Variants in SLC24A4 observed in about 807,000 individuals in gnomAD.
SLC24A4 encodes the protein solute carrier family 24 member 4.
A neutral mutation model predicts 79.0 loss-of-function variants in SLC24A4; 53 were observed. The ratio of observed to expected loss-of-function variants is 0.67; its 90% confidence interval spans 0.54 to 0.84. SLC24A4 has a LOEUF of 0.84. Among genes scored for constraint, SLC24A4 ranks in the 40% least tolerant of loss-of-function variants. The pLI is 0.00. For missense variants in SLC24A4, 731 were observed against 822.0 expected, an observed-to-expected ratio of 0.89 and a Z score of 1.35; for synonymous variants, 323 against 323.8, an observed-to-expected ratio of 1.00 and a Z score of 0.03.
Position 92,449,028 on chromosome 14 carries a change from G to A in SLC24A4, c.738-46G>A, listed in dbSNP as rs1259143464. On this transcript the variant is annotated intron_variant, in intron 9 of 16. Transcript: ENST00000532405. The stretch of plus-strand genomic sequence containing the variant: ...TGATCCACCCGCTGCCCAGTTGGTG[G>A]GACTCCTTTCCATTGCCCTGACCTC... 3 of 1,608,144 alleles carry A rather than the reference G, an allele frequency of 1.9e-6. No individual in the cohort carries two copies. The African/African-American group carries it at 4.0e-5, about 21-fold the overall frequency.
intron 7 of SLC24A4, among the ~76,000 whole-genome samples, chr14:92,444,002 C>G (rs1892648993): frequency 6.6e-6 from 1 of 152,022 alleles, no homozygotes; most frequent in South Asian, 2.1e-4. Flanking sequence ...GGGAGTGATA[C>G]CTGCCGTGTA....
At position 92,439,438 on chromosome 14, in the gene SLC24A4, G is replaced by A. The variant is rs1015554955; in HGVS notation, c.393+29G>A. The A allele has an allele frequency of 2.5e-6, 4 of 1,595,292 alleles. No individual in the cohort carries two copies. In the African/African-American group the frequency reaches 4.0e-5, roughly 16 times the overall value. On this transcript the variant is annotated intron_variant, in intron 4 of 16. Coordinates refer to ENST00000532405, the MANE Select transcript of SLC24A4 (RefSeq NM_153646.4). ...TGTGGAAGGGACTTGGGACACCTTG[G>A]TGAAGCCTTGAAGACATGTGGGACA... is the stretch of plus-strand genomic sequence containing the variant.
chr14:92,392,623 C>T (rs1370379021), intron 2 of SLC24A4, among the ~76,000 whole-genome samples: 10 of 152,138 alleles, frequency 6.6e-5, no homozygotes, highest in Admixed American at 1.3e-4. Context: ...GAGTGTGGGG[C>T]GGGCATCCAG....
At chr14:92,447,465 C>T in intron 9 of SLC24A4, 41 bp downstream of exon 9, 1 of 1,571,308 alleles carries the variant, frequency 6.4e-7, no homozygotes, top group South Asian at 1.1e-5. Context: ...CGACGCCTTG[C>T]CCCACTGCCT....
At chr14:92,449,789 C>T (rs924344894) in intron 10 of SLC24A4, among the ~76,000 whole-genome samples, 4 of 152,250 alleles carry the variant, frequency 2.6e-5, no homozygotes, top group Non-Finnish European at 5.9e-5. Flanking sequence ...GCCGGGGAGC[C>T]CCTTCCCCTG....
intron 2 of SLC24A4, among the ~76,000 whole-genome samples, chr14:92,387,014 C>T (rs1213607185): frequency 6.6e-6 from 1 of 152,070 alleles, no homozygotes; most frequent in African/African-American, 2.4e-5. Flanking sequence ...CCTTGTAGCT[C>T]TGCACCCTGG....
intron 2 of SLC24A4, among the ~76,000 whole-genome samples, chr14:92,364,470 A>G (rs896407740): frequency 6.6e-6 from 1 of 152,190 alleles, no homozygotes; most frequent in African/African-American, 2.4e-5. Flanking sequence ...AGTTACTCAT[A>G]AACACACCAG....
At chr14:92,383,806 C>T (rs970139240) in intron 2 of SLC24A4, among the ~76,000 whole-genome samples, 3 of 152,210 alleles carry the variant, frequency 2.0e-5, no homozygotes, top group Admixed American at 6.5e-5. Context: ...CTCTGAGCCC[C>T]TGTACACCCC....
At position 92,501,438 on chromosome 14, in the gene SLC24A4, A is replaced by G. The variant is rs961664185; in HGVS notation, c.*7810A>G. 69 of 152,218 alleles carry G rather than the reference A, an allele frequency of 4.5e-4. No homozygotes were observed. The highest frequency in any genetic ancestry group is 1.6e-3 in the African/African-American group (68 of 41,462). The allele number at this position is 152,218 out of a possible 1,614,324, so 9.4% of individuals were successfully genotyped here. A position where few individuals can be genotyped will look rare whatever the true frequency, so the allele number is the denominator to read the frequency against. On this transcript the variant is annotated 3_prime_UTR_variant, in exon 17 of 17. Coordinates refer to ENST00000532405, the MANE Select transcript of SLC24A4 (RefSeq NM_153646.4). The stretch of plus-strand genomic sequence containing the variant: ...ATCTAGCAGTCAGTATTGTAATGCA[A>G]TATATCAAAATCTGTACACTGTCAA...
chr14:92,328,600 G>C (rs995960722), intron 2 of SLC24A4, among the ~76,000 whole-genome samples: 20 of 152,266 alleles, frequency 1.3e-4, no homozygotes, highest in Admixed American at 1.2e-3. Flanking sequence ...CCATGGCTCT[G>C]TTTCTCCATC....
chr14:92,488,335 G>A (rs2139938593), intron 14 of SLC24A4, among the ~76,000 whole-genome samples: 1 of 152,184 alleles, frequency 6.6e-6, no homozygotes, highest in East Asian at 1.9e-4. Flanking sequence ...GCCTCCCAAA[G>A]TGCTGGGATT....
chr14:92,328,428 G>A (rs1299113845), intron 2 of SLC24A4, among the ~76,000 whole-genome samples: 1 of 152,248 alleles, frequency 6.6e-6, no homozygotes, highest in Non-Finnish European at 1.5e-5. Context: ...AGGCACTGCA[G>A]GTGCACAGAG....
chr14:92,416,860 T>C (rs1214369216), intron 2 of SLC24A4, among the ~76,000 whole-genome samples: 1 of 152,246 alleles, frequency 6.6e-6, no homozygotes, highest in African/African-American at 2.4e-5. Context: ...CAGACTTTTC[T>C]TGTTCTGAGA....
intron 2 of SLC24A4, among the ~76,000 whole-genome samples, chr14:92,415,202 C>T (rs746703057): frequency 2.7e-4 from 41 of 152,294 alleles, no homozygotes; most frequent in Admixed American, 9.8e-4. Context: ...AGTTGTGTCA[C>T]TCCCTGATCA....
chr14:92,456,648 G>A (rs1480629465), intron 12 of SLC24A4, 40 bp downstream of exon 12: 24 of 1,596,200 alleles, frequency 1.5e-5, no homozygotes, highest in Non-Finnish European at 2.1e-5. Flanking sequence ...CTACATTTTT[G>A]GGGGCTCCAT....
chr14:92,460,777 G>A (rs1893751955), intron 12 of SLC24A4, among the ~76,000 whole-genome samples: 1 of 152,176 alleles, frequency 6.6e-6, no homozygotes, highest in Non-Finnish European at 1.5e-5. Flanking sequence ...CAGCTGATAA[G>A]TGGGGAGGTG....
At chr14:92,341,146 G>A (rs1238328152) in intron 2 of SLC24A4, among the ~76,000 whole-genome samples, 1 of 152,194 alleles carries the variant, frequency 6.6e-6, no homozygotes, top group Non-Finnish European at 1.5e-5. Flanking sequence ...TTCTTTGGTG[G>A]CCTGGTGGCC....
Position 92,494,494 on chromosome 14 carries a change from G to T in SLC24A4, c.*866G>T, listed in dbSNP as rs1566811655. ...AGGTAAGAGACTAACGTGGAAAGGT[G>T]CTAACTCAGAGACTGGAGATTATAG... is the stretch of plus-strand genomic sequence containing the variant. On this transcript the variant is annotated 3_prime_UTR_variant, in exon 17 of 17. Coordinates refer to ENST00000532405, the MANE Select transcript of SLC24A4 (RefSeq NM_153646.4). This position sits in a 1 kb window ranked among gnomAD's most constrained non-coding sequence, Gnocchi z 4.6. The T allele has an allele frequency of 6.6e-6, 1 of 152,230 alleles. No individual in the cohort carries two copies. Among genetic ancestry groups the T allele is most frequent in the Non-Finnish European group, 1.5e-5 (1 of 68,038 alleles). The allele number at this position is 152,230 out of a possible 1,614,324, so 9.4% of individuals were successfully genotyped here. A position where few individuals can be genotyped will look rare whatever the true frequency, so the allele number is the denominator to read the frequency against.
intron 2 of SLC24A4, among the ~76,000 whole-genome samples, chr14:92,370,221 G>T (rs554040226): frequency 6.6e-6 from 1 of 152,280 alleles, no homozygotes; most frequent in South Asian, 2.1e-4. Flanking sequence ...AAAGGATTGA[G>T]ATAAAATAGA....
Sources: gnomAD v4.1 joint callset for allele counts (sites outside exome capture counted in the v4.1 genomes callset) on GRCh38, gnomAD v4.1.1 for gene constraint, Gnocchi (gnomAD v3.1) non-coding constraint, MANE v1.5 for transcripts, NCBI Gene and HGNC (gene_info 2026-07-23, HGNC 2026-07-21) for gene names.